Variants in MELK observed in about 807,000 individuals in gnomAD.
MELK encodes the protein pEg3 kinase.
In MELK, 81 loss-of-function variants were observed where a neutral mutation model predicts 85.0. That is an observed-to-expected ratio of 0.95 (90% CI 0.80 to 1.15). MELK has a LOEUF of 1.15. Ranked by LOEUF, MELK falls within the 50% of genes most tolerant of loss-of-function variation. The pLI, the probability that MELK is intolerant of heterozygous loss-of-function variation, is 0.00. For missense variants in MELK, 754 were observed against 777.5 expected (o/e 0.97, Z 0.36); for synonymous variants, 252 against 265.0 (o/e 0.95, Z 0.48).
At chr9:36,595,282 C>A (rs1160016485) in intron 5 of MELK, among the ~76,000 whole-genome samples, 1 of 151,832 alleles carries the variant, frequency 6.6e-6, no homozygotes, top group South Asian at 2.1e-4. Flanking sequence ...ACTACAGGCG[C>A]CTGCCACAAC....
At chr9:36,614,443 TA>T (rs1554722239) in intron 8 of MELK, among the ~76,000 whole-genome samples, 2,141 of 129,606 alleles carry the variant, frequency 0.017, 73 homozygotes, top group African/African-American at 0.06. Context: ...TTTTTTTTTT[TA>T]ATTTATTTTT....
intron 13 of MELK, among the ~76,000 whole-genome samples, chr9:36,661,257 T>C (rs1831785079): frequency 1.3e-5 from 2 of 152,208 alleles, no homozygotes; most frequent in South Asian, 4.1e-4. Context: ...CTGTTTCTAC[T>C]TAGCTGTTTT....
chr9:36,621,009 G>A (rs1014037371), intron 8 of MELK, among the ~76,000 whole-genome samples: 6 of 151,708 alleles, frequency 4.0e-5, no homozygotes, highest in African/African-American at 4.8e-5. Flanking sequence ...AGTGGCTCAC[G>A]CCTGCAATCC....
At chr9:36,617,593 T>C (rs1826970179) in intron 8 of MELK, among the ~76,000 whole-genome samples, 1 of 152,240 alleles carries the variant, frequency 6.6e-6, no homozygotes, top group African/African-American at 2.4e-5. Flanking sequence ...ATGTTGGGAT[T>C]ATAGGCATGA....
intron 11 of MELK, among the ~76,000 whole-genome samples, chr9:36,643,795 G>A (rs1038641886): frequency 6.6e-6 from 1 of 151,972 alleles, no homozygotes; most frequent in African/African-American, 2.4e-5. Flanking sequence ...TTAGCCGGGC[G>A]TTGTAGCAGA....
chr9:36,634,430 G>T (rs1036881108), intron 10 of MELK, among the ~76,000 whole-genome samples: 5 of 152,114 alleles, frequency 3.3e-5, no homozygotes, highest in Admixed American at 3.3e-4. Flanking sequence ...GGCTAATTAG[G>T]CCAGGCACGG....
chr9:36,625,526 T>C (rs1827844320), intron 8 of MELK, among the ~76,000 whole-genome samples: 1 of 152,196 alleles, frequency 6.6e-6, no homozygotes, highest in African/African-American at 2.4e-5. Context: ...GGGATAGGCA[T>C]GGAGCCCAGG....
At chr9:36,663,411 T>G (rs1024922772) in intron 13 of MELK, among the ~76,000 whole-genome samples, 1 of 152,094 alleles carries the variant, frequency 6.6e-6, no homozygotes, top group Non-Finnish European at 1.5e-5. Flanking sequence ...TTATATAAAT[T>G]TATAGAGTAC....
intron 11 of MELK, among the ~76,000 whole-genome samples, chr9:36,651,416 G>A (rs772012725): frequency 6.6e-6 from 1 of 152,178 alleles, no homozygotes; most frequent in African/African-American, 2.4e-5. Flanking sequence ...TTGCAGTAGA[G>A]TTAAATTCAT....
Position 36,665,387 on chromosome 9 carries a change from C to G in MELK, c.1214C>G (p.Ser405Cys). 6.2e-7 allele frequency: 1 copy of G among 1,613,206 alleles called. No homozygotes were observed. The highest frequency in any genetic ancestry group is 1.1e-5 in the South Asian group (1 of 91,016). Reference sequence around the variant, plus strand: ...TGGACAGAATCAAATGGGGTGGAATCTAAATCATTAACTCCAGCCTTATGC... The same window carrying G: ...TGGACAGAATCAAATGGGGTGGAATGTAAATCATTAACTCCAGCCTTATGC... ...KYWTESNGVE[S>C]KSLTPALCRT... is the part of the protein sequence containing the mutation. Residue 405 changes from serine (S) to cysteine (C), a missense_variant, in exon 14 of 18, where the codon TCT (serine) becomes TGT (cysteine). By Grantham distance (112) the Ser-to-Cys change is moderately radical. Coordinates refer to ENST00000298048, the MANE Select transcript of MELK (RefSeq NM_014791.4).
rs750016508 is a variant in MELK, at chr9:36,596,563, G to GTTTTTTTTTTTTTTTTTT, written c.406-651_406-650insTTTTTTTTTTTTTTTTTT. Among the ~76,000 whole-genome samples, 2 of 106,134 alleles carry GTTTTTTTTTTTTTTTTTT rather than the reference G, an allele frequency of 1.9e-5. 1 individual carries two copies. The highest frequency in any genetic ancestry group is 1.0e-4 in the African/African-American group (2 of 19,586). 69.6% of individuals were successfully genotyped at this position (106,134 alleles called of 152,430 possible). ...TGAGCCACTGCGCCCGGCCCTTTTTGTTTTTTTTGTTTTTTTTGTTTTTTT... is the reference window on the plus strand; with the variant it reads ...TGAGCCACTGCGCCCGGCCCTTTTTGTTTTTTTTTTTTTTTTTTTTTTTTTTGTTTTTTTTGTTTTTTT... On this transcript the variant is annotated intron_variant, in intron 5 of 17. Transcript: ENST00000298048.
chr9:36,641,359 G>A (rs1304999702), intron 10 of MELK, among the ~76,000 whole-genome samples: 1 of 152,124 alleles, frequency 6.6e-6, no homozygotes, highest in African/African-American at 2.4e-5. Context: ...AGACTCAGAG[G>A]TGTGGTCATG....
intron 4 of MELK, among the ~76,000 whole-genome samples, chr9:36,593,924 G>A (rs564460034): frequency 1.3e-5 from 2 of 152,130 alleles, no homozygotes; most frequent in East Asian, 1.9e-4. Context: ...CACCCACCTC[G>A]GCCTCCCAAA....
At chr9:36,654,349 C>CTTTTTTTTTTT (rs34436735) in intron 12 of MELK, among the ~76,000 whole-genome samples, 2 of 84,126 alleles carry the variant, frequency 2.4e-5, no homozygotes, top group African/African-American at 4.5e-5. Flanking sequence ...ATTGGATTGT[C>CTTTTTTTTTTT]TTTTTTTTTT....
chr9:36,657,160 CGTT>C, intron 12 of MELK, 78 bp from the exon 13 acceptor site: 1 of 1,430,294 alleles, frequency 7.0e-7, no homozygotes, highest in Non-Finnish European at 9.5e-7. Context: ...GTGTCTCTGT[CGTT>C]AAGTGACGCG....
chr9:36,649,732 G>A (rs1446757678), intron 11 of MELK, among the ~76,000 whole-genome samples: 2 of 152,012 alleles, frequency 1.3e-5, no homozygotes. Flanking sequence ...TTGCACCATT[G>A]CACTCCAGCC....
chr9:36,669,995 A>G (rs1043998911), intron 15 of MELK, among the ~76,000 whole-genome samples: 3 of 152,230 alleles, frequency 2.0e-5, no homozygotes, highest in Admixed American at 6.5e-5. Flanking sequence ...GCTATATAGT[A>G]CAAAGCTGGA....
chr9:36,579,235 C>T (rs1340955458), intron 1 of MELK, among the ~76,000 whole-genome samples: 1 of 152,228 alleles, frequency 6.6e-6, no homozygotes, highest in East Asian at 1.9e-4. Flanking sequence ...CCATGTTGGT[C>T]AGGCTGGTCT....
intron 7 of MELK, among the ~76,000 whole-genome samples, chr9:36,602,220 C>A (rs1295785868): frequency 6.6e-6 from 1 of 151,960 alleles, no homozygotes; most frequent in African/African-American, 2.4e-5. Flanking sequence ...GGGCTGGGCG[C>A]GGTGGCTCAT....
Sources: gnomAD v4.1 joint callset for allele counts (sites outside exome capture counted in the v4.1 genomes callset) on GRCh38, gnomAD v4.1.1 for gene constraint, MANE v1.5 for transcripts, NCBI Gene and HGNC (gene_info 2026-07-23, HGNC 2026-07-21) for gene names.